Variants in ST7 observed in about 807,000 individuals in gnomAD.
The protein encoded by ST7 is suppressor of tumorigenicity 7 protein.
ST7 carries 28 observed loss-of-function variants against 78.7 expected under a neutral mutation model. The observed-to-expected ratio is 0.36, with a 90% CI of 0.26 to 0.49. The LOEUF is 0.49. ST7 is among the 20% of genes least tolerant of loss of function. ST7 has a pLI of 0.99. For synonymous variants in ST7, 247 were observed against 249.6 expected (o/e 0.99, Z 0.10); for missense variants, 418 against 696.0 (o/e 0.60, Z 4.49).
At chr7:117,222,815 A>C (rs769046824) in intron 15 of ST7, 1 of 1,444,466 alleles carries the variant, frequency 6.9e-7, no homozygotes, top group Non-Finnish European at 9.8e-7. Flanking sequence ...GTGCAATCAG[A>C]AAGGATGATT....
Position 117,039,047 on chromosome 7 carries a change from A to G in ST7, c.152-60715A>G, listed in dbSNP as rs575067532. On this transcript the variant is annotated intron_variant, in intron 1 of 15. Coordinates refer to ENST00000323984, the MANE Select transcript of ST7 (RefSeq NM_001369598.1). Reference sequence around the variant, plus strand: ...AGAATACTTTGTTGTAGTTTGAAACATATTTTTTTAGCTAATCCTTTATGA... The same window carrying G: ...AGAATACTTTGTTGTAGTTTGAAACGTATTTTTTTAGCTAATCCTTTATGA... Among the ~76,000 whole-genome samples the G allele has an allele frequency of 2.6e-5, 4 of 152,286 alleles. 1 individual carries two copies. The highest frequency in any genetic ancestry group is 9.6e-5 in the African/African-American group (4 of 41,578).
chr7:117,229,292 G>A (rs937432488), intron 15 of ST7, among the ~76,000 whole-genome samples: 13 of 152,202 alleles, frequency 8.5e-5, no homozygotes, highest in Non-Finnish European at 1.6e-4. Flanking sequence ...CAGTAGGACC[G>A]CAAAGAAATT....
intron 1 of ST7, among the ~76,000 whole-genome samples, chr7:117,048,594 A>AC (rs1451609856): frequency 6.6e-6 from 1 of 151,224 alleles, no homozygotes; most frequent in East Asian, 1.9e-4. Context: ...CCCTTTACCC[A>AC]CCCCACCCCA....
chr7:117,169,137 C>CTTT (rs36088347), intron 9 of ST7, among the ~76,000 whole-genome samples: 2 of 110,644 alleles, frequency 1.8e-5, no homozygotes, highest in African/African-American at 4.4e-5. Flanking sequence ...AATCTTCTTC[C>CTTT]TTTTTTTTTT....
chr7:117,073,282 TAAAA>T (rs763196099), intron 1 of ST7: 21 of 152,098 alleles, frequency 1.4e-4, no homozygotes, highest in Non-Finnish European at 2.6e-4. Context: ...GATTTAGAAA[TAAAA>T]AACCATTCAT....
At chr7:117,095,112 G>A (rs548601865) in intron 1 of ST7, among the ~76,000 whole-genome samples, 3 of 152,100 alleles carry the variant, frequency 2.0e-5, no homozygotes, top group Non-Finnish European at 2.9e-5. Context: ...TGGAATATAC[G>A]TAAGGAGGCA....
At chr7:117,080,630 C>T (rs1246419006) in intron 1 of ST7, among the ~76,000 whole-genome samples, 2 of 152,114 alleles carry the variant, frequency 1.3e-5, no homozygotes, top group Non-Finnish European at 2.9e-5. Flanking sequence ...AAAATATGCT[C>T]AATTCACATG....
chr7:117,126,585 A>T (rs1019183761), intron 3 of ST7, among the ~76,000 whole-genome samples: 31 of 151,870 alleles, frequency 2.0e-4, no homozygotes, highest in African/African-American at 7.5e-4. Context: ...ATTAATGCAT[A>T]ATTACCCACT....
At chr7:117,111,501 A>G in intron 2 of ST7, among the ~76,000 whole-genome samples, 1 of 152,248 alleles carries the variant, frequency 6.6e-6, no homozygotes. Flanking sequence ...CTGAACAGAT[A>G]TACAATGTAC....
At chr7:117,053,778 T>C (rs184822181) in intron 1 of ST7, among the ~76,000 whole-genome samples, 1 of 152,168 alleles carries the variant, frequency 6.6e-6, no homozygotes, top group East Asian at 1.9e-4. Flanking sequence ...TAGAGAGTTA[T>C]GTATGGTGTG....
intron 1 of ST7, among the ~76,000 whole-genome samples, chr7:117,055,630 T>A (rs1400294005): frequency 6.6e-6 from 1 of 152,158 alleles, no homozygotes; most frequent in African/African-American, 2.4e-5. Flanking sequence ...GACCTTTAAG[T>A]CCTTATTTGC....
intron 15 of ST7, among the ~76,000 whole-genome samples, chr7:117,225,585 C>T (rs2116217927): frequency 6.6e-6 from 1 of 152,260 alleles, no homozygotes; most frequent in Non-Finnish European, 1.5e-5. Flanking sequence ...CAGGCCCCTC[C>T]CGAAGCTCCC....
chr7:117,228,365 G>C (rs972833802), intron 15 of ST7, among the ~76,000 whole-genome samples: 1 of 152,116 alleles, frequency 6.6e-6, no homozygotes, highest in Non-Finnish European at 1.5e-5. Context: ...CCTGACAGTG[G>C]GAGTTTAGTT....
chr7:117,059,898 G>A (rs565568879), intron 1 of ST7, among the ~76,000 whole-genome samples: 4 of 151,462 alleles, frequency 2.6e-5, no homozygotes, highest in African/African-American at 7.3e-5. Flanking sequence ...TGGGAGGATC[G>A]CTTGATCTCA....
At chr7:117,021,796 C>T (rs140003315) in intron 1 of ST7, among the ~76,000 whole-genome samples, 310 of 152,276 alleles carry the variant, frequency 2.0e-3, no homozygotes, top group Non-Finnish European at 3.8e-3. Flanking sequence ...CAGGTAATGT[C>T]CCATTCAGCA....
At chr7:116,985,509 T>C (rs1301266300) in intron 1 of ST7, among the ~76,000 whole-genome samples, 1 of 151,962 alleles carries the variant, frequency 6.6e-6, no homozygotes, top group African/African-American at 2.4e-5. Flanking sequence ...TGAAGTATGG[T>C]GACATCAAAA....
At chr7:117,225,136 C>T (rs576370966) in intron 15 of ST7, among the ~76,000 whole-genome samples, 1 of 152,276 alleles carries the variant, frequency 6.6e-6, no homozygotes. Context: ...GACTAGAATA[C>T]ACCTGGGTGT....
Position 117,017,112 on chromosome 7 carries a change from G to T in ST7, c.151+63421G>T, listed in dbSNP as rs1042296873. On this transcript the variant is annotated intron_variant, in intron 1 of 15. Transcript: ENST00000323984. ...CCATGTGGTTTTTTCAGGTCTTGTT[G>T]AAATGTCACCTTTTTAGAGTGGCCT... Among the ~76,000 whole-genome samples, 63 of 152,088 alleles carry T rather than the reference G, an allele frequency of 4.1e-4. 1 individual carries two copies. The highest frequency in any genetic ancestry group is 1.0e-4 in the Non-Finnish European group (7 of 67,976).
intron 14 of ST7, among the ~76,000 whole-genome samples, chr7:117,220,084 C>A (rs1792977074): frequency 6.6e-6 from 1 of 152,202 alleles, no homozygotes; most frequent in South Asian, 2.1e-4. Flanking sequence ...TATCTTATAG[C>A]TGTAACATAT....
Sources: allele counts gnomAD v4.1 joint callset (sites outside exome capture counted in the v4.1 genomes callset), GRCh38; gene constraint gnomAD v4.1.1; transcripts MANE v1.5; gene names NCBI Gene and HGNC (gene_info 2026-07-23, HGNC 2026-07-21).